The following PEX14 variants were observed in gnomAD, a reference collection of about 807,000 sequenced individuals.
PEX14 encodes the protein peroxisomal biogenesis factor 14.
In PEX14, 15 loss-of-function variants were observed where a neutral mutation model predicts 49.5. That is an observed-to-expected ratio of 0.30 (90% CI 0.20 to 0.47). The LOEUF is 0.47. Among genes scored for constraint, PEX14 ranks in the 20% least tolerant of loss-of-function variants. The pLI is 1.00. For missense variants in PEX14, 398 were observed against 494.8 expected (o/e 0.80, Z 1.86); for synonymous variants, 210 against 212.7 (o/e 0.99, Z 0.11).
chr1:10,561,958 G>C (rs1254864147), intron 3 of PEX14, among the ~76,000 whole-genome samples: 1 of 152,042 alleles, frequency 6.6e-6, no homozygotes, highest in Non-Finnish European at 1.5e-5. Flanking sequence ...CCCGAGACAA[G>C]GTCTCACTCT....
At chr1:10,519,150 C>A (rs965774161) in intron 2 of PEX14, among the ~76,000 whole-genome samples, 3 of 152,124 alleles carry the variant, frequency 2.0e-5, no homozygotes, top group Admixed American at 2.0e-4. Flanking sequence ...AGGGCCTCCC[C>A]CTAACACCCC....
At chr1:10,574,639 A>AAT (rs1270610339) in intron 3 of PEX14, among the ~76,000 whole-genome samples, 1 of 152,220 alleles carries the variant, frequency 6.6e-6, no homozygotes, top group African/African-American at 2.4e-5. Flanking sequence ...TGCTACACAC[A>AAT]ATATATAATC....
intron 3 of PEX14, among the ~76,000 whole-genome samples, chr1:10,565,335 T>C (rs1270333960): frequency 6.6e-6 from 1 of 152,238 alleles, no homozygotes; most frequent in East Asian, 1.9e-4. Context: ...AATCAGGATT[T>C]GGCCTGAGTC....
At chr1:10,583,392 T>TC (rs201124373) in intron 3 of PEX14, among the ~76,000 whole-genome samples, 2,220 of 149,170 alleles carry the variant, frequency 0.015, 62 homozygotes, top group African/African-American at 0.052. Flanking sequence ...GCTTTTTTTT[T>TC]TTTTTTTTTT....
chr1:10,585,940 A>G (rs1226651503), intron 3 of PEX14, among the ~76,000 whole-genome samples: 1 of 152,264 alleles, frequency 6.6e-6, no homozygotes, highest in Non-Finnish European at 1.5e-5. Context: ...AAATTTCAGA[A>G]TAATAAAATG....
chr1:10,498,004 G>A (rs1268834020), intron 2 of PEX14, among the ~76,000 whole-genome samples: 4 of 152,172 alleles, frequency 2.6e-5, no homozygotes, highest in African/African-American at 7.2e-5. Context: ...TACTGGCCAG[G>A]TGCAGTGGCT....
At chr1:10,527,714 C>T (rs890081800) in intron 2 of PEX14, among the ~76,000 whole-genome samples, 1 of 151,670 alleles carries the variant, frequency 6.6e-6, no homozygotes, top group Non-Finnish European at 1.5e-5. Context: ...CACTCTGTCA[C>T]CCAGGCTGGA....
At chr1:10,483,064 A>G (rs1194357962) in intron 1 of PEX14, among the ~76,000 whole-genome samples, 1 of 152,184 alleles carries the variant, frequency 6.6e-6, no homozygotes, top group African/African-American at 2.4e-5. Flanking sequence ...GTCGAAGATG[A>G]AGTTTGATTG....
At position 10,512,760 on chromosome 1, in the gene PEX14, G is replaced by T. The variant is rs563724546; in HGVS notation, c.84+17439G>T. 5.3e-5 allele frequency among the ~76,000 whole-genome samples: 8 copies of T among 151,908 alleles called. No homozygotes were observed. The South Asian group carries it at 1.2e-3, about 24-fold the overall frequency. ...TGTCGCCAGGCTGGAGTGCAGTGGC[G>T]TGATGTCGGCTCACTGCAACCTCCG... is the stretch of plus-strand genomic sequence containing the variant. On this transcript the variant is annotated intron_variant, in intron 2 of 8. Transcript: ENST00000356607. This position sits in a 1 kb window ranked among gnomAD's most constrained non-coding sequence, Gnocchi z 4.6.
chr1:10,481,967 G>T (rs1281941693), intron 1 of PEX14, among the ~76,000 whole-genome samples: 8 of 151,034 alleles, frequency 5.3e-5, no homozygotes, highest in African/African-American at 1.2e-4. Context: ...GACCACAGGC[G>T]CATGCCACCA....
At chr1:10,587,920 T>TTTTTAAAA (rs1453146872) in intron 3 of PEX14, among the ~76,000 whole-genome samples, 6 of 64,076 alleles carry the variant, frequency 9.4e-5, no homozygotes, top group African/African-American at 3.3e-4. Context: ...TTTTTTTTTT[T>TTTTTAAAA]AAAAAAAAAA....
intron 3 of PEX14, among the ~76,000 whole-genome samples, chr1:10,591,001 G>A (rs554909754): frequency 3.9e-5 from 6 of 152,230 alleles, no homozygotes; most frequent in African/African-American, 1.4e-4. Flanking sequence ...CTTGTGACAA[G>A]ATTTTCTTAA....
chr1:10,476,533 C>G (rs1466119144), intron 1 of PEX14, among the ~76,000 whole-genome samples: 1 of 152,198 alleles, frequency 6.6e-6, no homozygotes, highest in Non-Finnish European at 1.5e-5. Flanking sequence ...CGGAGTCTCT[C>G]TCTGTCGCCC....
chr1:10,622,824 A>T (rs1356787156), intron 5 of PEX14, among the ~76,000 whole-genome samples, 195 bp from the exon 6 acceptor site: 5 of 152,228 alleles, frequency 3.3e-5, no homozygotes, highest in African/African-American at 1.2e-4. Flanking sequence ...CCTTGTCCTT[A>T]TTCAGGCAGA....
At chr1:10,577,421 A>AAAC (rs1553192580) in intron 3 of PEX14, among the ~76,000 whole-genome samples, 1 of 142,576 alleles carries the variant, frequency 7.0e-6, no homozygotes, top group Non-Finnish European at 1.5e-5. Context: ...AAAAAAAAAA[A>AAAC]ACCAAAAAAC....
At chr1:10,485,831 C>T (rs1054408774) in intron 1 of PEX14, among the ~76,000 whole-genome samples, 3 of 150,658 alleles carry the variant, frequency 2.0e-5, no homozygotes, top group African/African-American at 4.9e-5. Flanking sequence ...TCTTGGCGCA[C>T]TGCAACCCCC....
chr1:10,564,742 TTTAAG>T (rs1473867726), intron 3 of PEX14, among the ~76,000 whole-genome samples: 1 of 151,972 alleles, frequency 6.6e-6, no homozygotes, highest in Non-Finnish European at 1.5e-5. Context: ...CCTGATGCCT[TTTAAG>T]TTTAGTTTTC....
chr1:10,536,472 CAAT>C, intron 3 of PEX14, 175 bp downstream of exon 3: 1 of 647,434 alleles, frequency 1.5e-6, no homozygotes, highest in Non-Finnish European at 2.8e-6. Flanking sequence ...TCTTTCCTGA[CAAT>C]GGAGCGGCAA....
rs1180467094 is a variant in PEX14 at position 10,539,929 on chromosome 1, A to G, written c.169+3632A>G. Among the ~76,000 whole-genome samples, 1 of 152,212 alleles carries G rather than the reference A, an allele frequency of 6.6e-6. No homozygotes were observed. Among genetic ancestry groups the G allele is most frequent in the East Asian group, 1.9e-4 (1 of 5,200 alleles). ...CTGTTGCAAAGCAAGCTTCTAGGAA[A>G]GACAAACATCATCTATTTTTCTGTA... On this transcript the variant is annotated intron_variant, in intron 3 of 8. Coordinates refer to ENST00000356607, the MANE Select transcript of PEX14 (RefSeq NM_004565.3). The surrounding 1 kb of genome is among the most constrained non-coding windows in gnomAD (Gnocchi z 4.6).
Sources: allele counts gnomAD v4.1 joint callset (sites outside exome capture counted in the v4.1 genomes callset), GRCh38; gene constraint gnomAD v4.1.1; non-coding constraint Gnocchi (gnomAD v3.1); transcripts MANE v1.5; gene names NCBI Gene and HGNC (gene_info 2026-07-23, HGNC 2026-07-21).